The following CYP2A13 variants were observed in gnomAD, a reference collection of about 807,000 sequenced individuals.
CYP2A13 encodes the protein cytochrome P450 family 2 subfamily A member 13.
In CYP2A13, 30 loss-of-function variants were observed where a neutral mutation model predicts 39.4. The observed-to-expected ratio is 0.76, with a 90% CI of 0.57 to 1.03. The LOEUF (loss-of-function observed/expected upper bound fraction) is 1.03, where lower values mean the gene tolerates loss of function less well. CYP2A13 is among the 50% of genes least tolerant of loss of function. The probability of loss-of-function intolerance (pLI) is 0.00; values close to 1 mark genes in which losing one functional copy is unlikely to be tolerated. For missense variants in CYP2A13, 731 were observed against 648.4 expected (o/e 1.13, Z -1.38); for synonymous variants, 269 against 254.7 (o/e 1.06, Z -0.54).
Position 41,088,509 on chromosome 19 carries a change from C to T in CYP2A13, c.38C>T (p.Ala13Val), listed in dbSNP as rs753595175. ...GGGCTGCTTCTGGTGACCTTGCTGG[C>T]CTGCCTGACTGTGATGGTCTTGATG... ...ASGLLLVTLL[A>V]CLTVMVLMSV... Residue 13 changes from alanine to valine, a missense_variant, in exon 1 of 9, where the codon GCC becomes GTC. Physicochemically the swap from Ala to Val is moderately conservative, Grantham distance 64 (BLOSUM62 0). Transcript: ENST00000330436. 15 of 1,613,990 alleles carry T rather than the reference C, an allele frequency of 9.3e-6. No individual in the cohort carries two copies. The highest frequency in any genetic ancestry group is 1.3e-5 in the Non-Finnish European group (15 of 1,179,886).
intron 4 of CYP2A13, among the ~76,000 whole-genome samples, chr19:41,091,132 T>A (rs1238161913): frequency 7.2e-5 from 11 of 152,210 alleles, no homozygotes; most frequent in Non-Finnish European, 1.3e-4. Flanking sequence ...GATTATTCCC[T>A]GACACCCAAA....
Position 41,096,040 on chromosome 19 carries a change from GT to G in CYP2A13, c.*100del. 1 of 1,385,780 alleles carries G rather than the reference GT, an allele frequency of 7.2e-7. No individual in the cohort carries two copies. Among genetic ancestry groups the G allele is most frequent in the South Asian group, 1.3e-5 (1 of 78,250 alleles). The allele number at this position is 1,385,780 out of a possible 1,614,324, so 85.8% of individuals were successfully genotyped here. ...AGGGGCGGGGCTAAGAATGGGGGCAGTGGGGGAAGGAAGGGGAGAGGTGGTT... is the reference window on the plus strand; with the variant it reads ...AGGGGCGGGGCTAAGAATGGGGGCAGGGGGGAAGGAAGGGGAGAGGTGGTT... On this transcript the variant is annotated 3_prime_UTR_variant, in exon 9 of 9. Transcript: ENST00000330436.
chr19:41,093,717 A>C lies in CYP2A13; in HGVS notation c.919A>C (p.Ser307Arg), dbSNP rs753733432. Residue 307 changes from serine (S) to arginine (R), a missense_variant, in exon 6 of 9, where the codon AGC (serine) becomes CGC (arginine). Coordinates refer to ENST00000330436, the MANE Select transcript of CYP2A13 (RefSeq NM_000766.5). ...NLFFAGTETV[S>R]TTLRYGFLLL... is the part of the protein sequence containing the mutation. ...CTTCTTTGCGGGCACTGAGACCGTG[A>C]GCACCACCCTGCGCTACGGTTTCCT... 1 of 1,614,090 alleles carries C rather than the reference A, an allele frequency of 6.2e-7. No individual in the cohort carries two copies. Among genetic ancestry groups the C allele is most frequent in the East Asian group, 2.2e-5 (1 of 44,872 alleles).
chr19:41,089,968 TGG>T, intron 2 of CYP2A13, 77 bp from the exon 3 acceptor site: 1 of 1,454,884 alleles, frequency 6.9e-7, no homozygotes, highest in Non-Finnish European at 9.1e-7. Context: ...GCTCCACCCT[TGG>T]GGAGCCCCTT....
Position 41,095,813 on chromosome 19 carries a change from T to C in CYP2A13, c.1357T>C (p.Phe453Leu). The stretch of plus-strand genomic sequence containing the variant: ...GGCCAGAATGGAGCTCTTTCTCTTC[T>C]TCACCACCATCATGCAGAACTTTCG... ...GLARMELFLF[F>L]TTIMQNFRFK... is the part of the protein sequence containing the mutation. Residue 453 changes from phenylalanine (F) to leucine (L), a missense_variant, in exon 9 of 9, where the codon TTC (phenylalanine) becomes CTC (leucine). By Grantham distance (22) the Phe-to-Leu change is conservative (BLOSUM62 0). Transcript: ENST00000330436. 3 of 1,614,140 alleles carry C rather than the reference T, an allele frequency of 1.9e-6. No homozygotes were observed. In the South Asian group the frequency reaches 3.3e-5, roughly 18 times the overall value.
chr19:41,095,198 G>A, intron 8 of CYP2A13, 98 bp downstream of exon 8: 1 of 1,609,436 alleles, frequency 6.2e-7, no homozygotes, highest in Non-Finnish European at 8.5e-7. Context: ...TATTTCTCCA[G>A]CTTGGAAGTT....
chr19:41,094,574 C>A, intron 7 of CYP2A13, 142 bp downstream of exon 7: 1 of 953,088 alleles, frequency 1.0e-6, no homozygotes, highest in South Asian at 1.5e-5. Context: ...CCAACCACCA[C>A]ATCTGTTCCA....
At position 41,090,122 on chromosome 19, in the gene CYP2A13, T is replaced by C; in HGVS notation, c.419T>C (p.Val140Ala). ...ATCGCCACCCTAAGGGGTTTTGGCGTGGGCAAGCGCGGCATCGAGGAACGC... is the reference window on the plus strand; with the variant it reads ...ATCGCCACCCTAAGGGGTTTTGGCGCGGGCAAGCGCGGCATCGAGGAACGC... ...FSIATLRGFG[V>A]GKRGIEERIQ... Residue 140 changes from valine (V) to alanine (A), a missense_variant, in exon 3 of 9, where the codon GTG (valine) becomes GCG (alanine). Val to Ala is a moderately conservative substitution (Grantham distance 64, BLOSUM62 0). Coordinates refer to ENST00000330436, the MANE Select transcript of CYP2A13 (RefSeq NM_000766.5). 6.2e-7 allele frequency: 1 copy of C among 1,607,450 alleles called. No individual in the cohort carries two copies. Among genetic ancestry groups the C allele is most frequent in the Non-Finnish European group, 8.5e-7 (1 of 1,176,890 alleles).
Position 41,096,049 on chromosome 19 carries a change from G to A in CYP2A13, c.*108G>A. ...GCTAAGAATGGGGGCAGTGGGGGAA[G>A]GAAGGGGAGAGGTGGTTAGAGGGAA... On this transcript the variant is annotated 3_prime_UTR_variant, in exon 9 of 9. Transcript: ENST00000330436. 8.3e-6 allele frequency: 12 copies of A among 1,452,356 alleles called. No individual in the cohort carries two copies. Among genetic ancestry groups the A allele is most frequent in the South Asian group, 7.6e-5 (6 of 78,844 alleles). 90.0% of individuals were successfully genotyped at this position (1,452,356 alleles called of 1,614,324 possible).
Position 41,095,686 on chromosome 19 carries a change from G to A in CYP2A13, c.1304-74G>A. On this transcript the variant is annotated intron_variant, in intron 8 of 8. Transcript: ENST00000330436. ...CCACCCCTCCTCCCTAGAGAGTGCA[G>A]CCGGGGGTCAGTAGGGGTTGAGGCT... The A allele has an allele frequency of 3.8e-6, 6 of 1,574,538 alleles. No homozygotes were observed. In the South Asian group the frequency reaches 7.0e-5, roughly 18 times the overall value.
chr19:41,088,967 G>C lies in CYP2A13; in HGVS notation c.219G>C (p.Leu73Phe), dbSNP rs1279809197. Residue 73 changes from leucine (L) to phenylalanine (F), a missense_variant, in exon 2 of 9, where the codon TTG (leucine) becomes TTC (phenylalanine). Transcript: ENST00000330436. Reference sequence around the variant, plus strand: ...ATGGCCCTGTGTTCACCATTCACTTGGGGCCCCGGCGGGTCGTGGTGCTGT... The same window carrying C: ...ATGGCCCTGTGTTCACCATTCACTTCGGGCCCCGGCGGGTCGTGGTGCTGT... Reference protein sequence around the residue: ...ERYGPVFTIHLGPRRVVVLCG... With the variant: ...ERYGPVFTIHFGPRRVVVLCG... The C allele has an allele frequency of 8.1e-6, 13 of 1,613,826 alleles. No individual in the cohort carries two copies. Among genetic ancestry groups the C allele is most frequent in the Non-Finnish European group, 1.1e-5 (13 of 1,179,902 alleles).
At chr19:41,089,816 CTCTCTCT>C (rs2031131951) in intron 2 of CYP2A13, among the ~76,000 whole-genome samples, 1 of 24,200 alleles carries the variant, frequency 4.1e-5, no homozygotes, top group Non-Finnish European at 7.8e-5. Flanking sequence ...CTCTCTCTCT[CTCTCTCT>C]CTCTCTCTCT....
At position 41,096,116 on chromosome 19, in the gene CYP2A13, T is replaced by C. The variant is rs1230767412; in HGVS notation, c.*175T>C. 7.5e-6 allele frequency: 7 copies of C among 929,212 alleles called. No individual in the cohort carries two copies. The highest frequency in any genetic ancestry group is 9.7e-6 in the Non-Finnish European group (6 of 621,000). 57.6% of individuals were successfully genotyped at this position (929,212 alleles called of 1,614,324 possible). On this transcript the variant is annotated 3_prime_UTR_variant, in exon 9 of 9. Coordinates refer to ENST00000330436, the MANE Select transcript of CYP2A13 (RefSeq NM_000766.5). ...GGCTCAGTTCACCTTGATGATGTCC[T>C]TCAGAGCTGTGATGAGAGGAAGGGA...
chr19:41,091,618 G>GA (rs879756089), intron 4 of CYP2A13, 114 bp from the exon 5 acceptor site: 63 of 1,481,830 alleles, frequency 4.3e-5, no homozygotes, highest in Non-Finnish European at 5.2e-5. Context: ...CTAAACACCT[G>GA]GACAGATGCC....
chr19:41,094,546 C>A, intron 7 of CYP2A13, 114 bp downstream of exon 7: 1 of 1,284,414 alleles, frequency 7.8e-7, no homozygotes, highest in Non-Finnish European at 1.1e-6. Context: ...CTCCCTCAAT[C>A]AGTCAAAAAA....
rs369770705 is a variant in CYP2A13 at position 41,088,663 on chromosome 19, C to T, written c.180+12C>T. On this transcript the variant is annotated intron_variant, in intron 1 of 8. Coordinates refer to ENST00000330436, the MANE Select transcript of CYP2A13 (RefSeq NM_000766.5). ...ACTCCCTCATGAAGGTGTCCTAAGG[C>T]AGGGAGATGGGTGGCACGGGGTGGG... 6.2e-7 allele frequency: 1 copy of T among 1,609,440 alleles called. No individual in the cohort carries two copies.
At chr19:41,090,270 G>A (rs2031158390) in intron 3 of CYP2A13, 74 bp downstream of exon 3, 1 of 1,557,780 alleles carries the variant, frequency 6.4e-7, no homozygotes, top group Admixed American at 1.9e-5. Flanking sequence ...GGTGGGGAAA[G>A]GGGCCCGCAC....
At chr19:41,088,706 G>C in intron 1 of CYP2A13, 55 bp downstream of exon 1, 1 of 1,581,876 alleles carries the variant, frequency 6.3e-7, no homozygotes, top group African/African-American at 1.3e-5. Flanking sequence ...CAGTTGGCTG[G>C]GGCTTTGTGG....
chr19:41,092,210 G>A (rs2031206494), intron 5 of CYP2A13, among the ~76,000 whole-genome samples: 1 of 151,008 alleles, frequency 6.6e-6, no homozygotes, highest in Non-Finnish European at 1.5e-5. Flanking sequence ...CAGCTACTCA[G>A]GAGGCTGAGA....
Sources: gnomAD v4.1 joint callset for allele counts (sites outside exome capture counted in the v4.1 genomes callset) on GRCh38, gnomAD v4.1.1 for gene constraint, MANE v1.5 for transcripts, NCBI Gene and HGNC (gene_info 2026-07-23, HGNC 2026-07-21) for gene names.